ZSWIM4: variants seen among roughly 807,000 people sequenced by gnomAD.
ZSWIM4 encodes the protein zinc finger SWIM-type containing 4, also known as zinc finger SWIM domain-containing protein 4.
ZSWIM4 carries 62 observed loss-of-function variants against 102.5 expected under a neutral mutation model. The ratio of observed to expected loss-of-function variants is 0.60; its 90% CI spans 0.49 to 0.75. The LOEUF (loss-of-function observed/expected upper bound fraction) is 0.75, where lower values mean the gene tolerates loss of function less well. Ranked by LOEUF, ZSWIM4 falls within the 30% of genes least tolerant of loss-of-function variation. The pLI, the probability that ZSWIM4 is intolerant of heterozygous loss-of-function variation, is 0.00. For synonymous variants in ZSWIM4, 652 were observed against 674.5 expected (o/e 0.97, Z 0.52); for missense variants, 1,280 against 1,529.6 (o/e 0.84, Z 2.72).
chr19:13,820,331 G>A (rs1975428945), intron 10 of ZSWIM4, among the ~76,000 whole-genome samples: 1 of 152,024 alleles, frequency 6.6e-6, no homozygotes, highest in Admixed American at 6.6e-5. Context: ...TGCCTCCCAG[G>A]CTCAAGCGAT....
intron 1 of ZSWIM4, among the ~76,000 whole-genome samples, chr19:13,797,788 G>C (rs1225211487): frequency 6.6e-6 from 1 of 152,116 alleles, no homozygotes; most frequent in East Asian, 1.9e-4. Context: ...GAGTAGCTGG[G>C]ACTACAGGTG....
Position 13,830,994 on chromosome 19 carries a change from C to T in ZSWIM4, c.3265C>T (p.Gln1089Ter), listed in dbSNP as rs766552739. ...CTCACAGTTCTTGGAGAACCTCAAA[C>T]AGACCTACAAGGGCAAGAAGAAACT... ...QFSQFLENLK[Q>*]TYKGKKKLML... The change falls in exon 14 of 14, where the codon CAG (glutamine) becomes TAG (stop). Residue 1089 changes from glutamine to a stop codon, truncating the protein, a stop_gained. Coordinates refer to ENST00000590508, the MANE Select transcript of ZSWIM4 (RefSeq NM_001367834.3). LOFTEE classifies it high-confidence loss of function. The T allele has an allele frequency of 6.2e-7, 1 of 1,612,674 alleles. No homozygotes were observed. The highest frequency in any genetic ancestry group is 1.7e-5 in the Admixed American group (1 of 59,552).
intron 13 of ZSWIM4, among the ~76,000 whole-genome samples, chr19:13,829,555 C>T (rs1037377024): frequency 1.3e-4 from 20 of 152,168 alleles, no homozygotes; most frequent in African/African-American, 4.6e-4. Context: ...CTCACTACCG[C>T]ACTCCAGCCT....
Position 13,819,473 on chromosome 19 carries a change from C to G in ZSWIM4, c.2041C>G (p.Leu681Val). The change falls in exon 10 of 14, where the codon CTC (leucine) becomes GTC (valine). Residue 681 changes from leucine (L) to valine (V), a missense_variant. Coordinates refer to ENST00000590508, the MANE Select transcript of ZSWIM4 (RefSeq NM_001367834.3). ...LPHDPDLAYR[L>V]ALRAMRLPIL... ...TCATGACCCGGACCTGGCCTATCGC[C>G]TCGCGCTGCGAGCTATGAGGTGAGG... is the stretch of plus-strand genomic sequence containing the variant. 1 of 1,604,866 alleles carries G rather than the reference C, an allele frequency of 6.2e-7. No homozygotes were observed. The highest frequency in any genetic ancestry group is 8.5e-7 in the Non-Finnish European group (1 of 1,175,852).
At position 13,818,868 on chromosome 19, in the gene ZSWIM4, C is replaced by CTTTTT. The variant is rs35655398; in HGVS notation, c.1925-480_1925-476dup. 8.1e-3 allele frequency among the ~76,000 whole-genome samples: 1,066 copies of CTTTTT among 131,214 alleles called. 20 individuals are homozygous for CTTTTT. Among genetic ancestry groups the CTTTTT allele is most frequent in the African/African-American group, 0.03 (1,026 of 34,648 alleles). The allele number at this position is 131,214 out of a possible 152,430, so 86.1% of individuals were successfully genotyped here. A position where few individuals can be genotyped will look rare whatever the true frequency, so the allele number is the denominator to read the frequency against. ...CATGAGCCGTGGTCCCCTGCCTCCTCTTTTTTTTTTTTTGAGACGGAGTCT... is the reference window on the plus strand; with the variant it reads ...CATGAGCCGTGGTCCCCTGCCTCCTCTTTTTTTTTTTTTTTTTTGAGACGGAGTCT... On this transcript the variant is annotated intron_variant, in intron 9 of 13. Transcript: ENST00000590508.
Position 13,814,770 on chromosome 19 carries a change from A to AC in ZSWIM4, c.1441dup (p.Arg481ProfsTer146). On this transcript the variant is annotated frameshift_variant, in exon 7 of 14. Transcript: ENST00000590508. LOFTEE classifies it high-confidence loss of function. ...GTGGACACCCTGCGTGCCCACGGAT[A>AC]CCCCCGCCAGGCCCTGCGGCTGGCA... The AC allele has an allele frequency of 2.3e-6, 3 of 1,285,796 alleles. No individual in the cohort carries two copies. The highest frequency in any genetic ancestry group is 3.0e-6 in the Non-Finnish European group (3 of 986,166). The allele number at this position is 1,285,796 out of a possible 1,614,324, so 79.6% of individuals were successfully genotyped here.
At chr19:13,808,099 A>G (rs1276415841) in intron 3 of ZSWIM4, among the ~76,000 whole-genome samples, 2 of 151,974 alleles carry the variant, frequency 1.3e-5, no homozygotes, top group Non-Finnish European at 2.9e-5. Context: ...ATCTCATGAG[A>G]ACTCTATCAT....
In ZSWIM4 at chr19:13,825,699, G is replaced by C; in HGVS notation, c.2365G>C (p.Glu789Gln). The change falls in exon 12 of 14, where the codon GAG becomes CAG. Residue 789 changes from glutamate to glutamine, a missense_variant. Coordinates refer to ENST00000590508, the MANE Select transcript of ZSWIM4 (RefSeq NM_001367834.3). This position sits in a 1 kb window ranked among gnomAD's most constrained non-coding sequence, Gnocchi z 4.6. ...PDTTLLGIAL[E>Q]LGLQVMRMTL... The stretch of plus-strand genomic sequence containing the variant: ...CACCACGCTGCTGGGCATCGCACTG[G>C]AGCTGGGGCTGCAGGTGAGGGCTGC... The C allele has an allele frequency of 6.2e-7, 1 of 1,610,036 alleles. No individual in the cohort carries two copies. Among genetic ancestry groups the C allele is most frequent in the Non-Finnish European group, 8.5e-7 (1 of 1,179,658 alleles).
In ZSWIM4 at chr19:13,830,434, TC is replaced by T; in HGVS notation, c.2706del (p.Phe902LeufsTer112). ...LTLCEKNHSA[F>X]EAAYQIVLDA... Reference sequence around the variant, plus strand: ...CTGTGCGAGAAGAACCACTCGGCCTTCGAGGCGGCCTACCAGATCGTGCTGG... The same window carrying T: ...CTGTGCGAGAAGAACCACTCGGCCTTGAGGCGGCCTACCAGATCGTGCTGG... On this transcript the variant is annotated frameshift_variant, in exon 14 of 14. Coordinates refer to ENST00000590508, the MANE Select transcript of ZSWIM4 (RefSeq NM_001367834.3). LOFTEE classifies it high-confidence loss of function. The T allele has an allele frequency of 6.2e-7, 1 of 1,609,426 alleles. No homozygotes were observed.
At position 13,831,208 on chromosome 19, in the gene ZSWIM4, G is replaced by A. The variant is rs1324553488; in HGVS notation, c.*158G>A. 2 of 930,312 alleles carry A rather than the reference G, an allele frequency of 2.1e-6. No homozygotes were observed. The highest frequency in any genetic ancestry group is 3.1e-6 in the Non-Finnish European group (2 of 641,918). The allele number at this position is 930,312 out of a possible 1,614,324, so 57.6% of individuals were successfully genotyped here. On this transcript the variant is annotated 3_prime_UTR_variant, in exon 14 of 14. Coordinates refer to ENST00000590508, the MANE Select transcript of ZSWIM4 (RefSeq NM_001367834.3). ...GGGAGCAGCATCCTGCCACGTGTGTGCCTGGGAGTCTGTGAGCAAGTGTGC... is the reference window on the plus strand; with the variant it reads ...GGGAGCAGCATCCTGCCACGTGTGTACCTGGGAGTCTGTGAGCAAGTGTGC...
chr19:13,812,193 G>C (rs1302512605), intron 5 of ZSWIM4, among the ~76,000 whole-genome samples: 1 of 152,184 alleles, frequency 6.6e-6, no homozygotes, highest in Non-Finnish European at 1.5e-5. Context: ...TTGCTAGTTC[G>C]CAGACCCCTG....
chr19:13,830,015 C>T (rs1038088230), intron 13 of ZSWIM4, among the ~76,000 whole-genome samples, 176 bp from the exon 14 acceptor site: 1 of 152,178 alleles, frequency 6.6e-6, no homozygotes, highest in African/African-American at 2.4e-5. Context: ...GCTTAGCCTT[C>T]TACACACGTG....
Position 13,819,972 on chromosome 19 carries a change from C to T in ZSWIM4, c.2060+480C>T, listed in dbSNP as rs551768213. ...CCAGGTTCACACCATTCTCCTGCCT[C>T]AGCCTCCTGAGTAGCTGGGACCACA... On this transcript the variant is annotated intron_variant, in intron 10 of 13. Transcript: ENST00000590508. Among the ~76,000 whole-genome samples the T allele has an allele frequency of 1.0e-3, 158 of 152,172 alleles. 1 individual carries two copies. The highest frequency in any genetic ancestry group is 3.3e-3 in the African/African-American group (139 of 41,526).
At chr19:13,824,826 A>G (rs1228101621) in intron 11 of ZSWIM4, among the ~76,000 whole-genome samples, 1 of 151,848 alleles carries the variant, frequency 6.6e-6, no homozygotes, top group East Asian at 1.9e-4. Flanking sequence ...CTTGCCAAGT[A>G]TGGGCCCACC....
At chr19:13,822,329 G>C (rs529335634) in intron 10 of ZSWIM4, among the ~76,000 whole-genome samples, 12 of 151,960 alleles carry the variant, frequency 7.9e-5, no homozygotes, top group African/African-American at 1.7e-4. Flanking sequence ...GGCCTAATTT[G>C]GCCAACCACC....
At chr19:13,814,459 G>A in intron 6 of ZSWIM4, 56 bp from the exon 7 acceptor site, 2 of 1,018,492 alleles carry the variant, frequency 2.0e-6, no homozygotes, top group Non-Finnish European at 2.5e-6. Context: ...GCTGGACACG[G>A]CTCAACTGCT....
rs949084217 is a variant in ZSWIM4 at position 13,817,885 on chromosome 19, C to T, written c.1833C>T (p.Asn611=). 1.2e-5 allele frequency: 19 copies of T among 1,551,016 alleles called. No individual in the cohort carries two copies. Among genetic ancestry groups the T allele is most frequent in the Middle Eastern group, 3.8e-4 (2 of 5,316 alleles). ...ACGCCCAGGACAAGGTGGTGCGCAA[C>T]GAGGAGCAGCTGCTGGCCCTGCTGG... ...GLYAQDKVVR[N]EEQLLALLEE... The change falls in exon 9 of 14, where the codon AAC becomes AAT. Residue 611 remains asparagine (N), a synonymous_variant. Coordinates refer to ENST00000590508, the MANE Select transcript of ZSWIM4 (RefSeq NM_001367834.3).
rs560928023 is a variant in ZSWIM4, at chr19:13,805,164, G to A, written c.712+16G>A. 14 of 1,585,006 alleles carry A rather than the reference G, an allele frequency of 8.8e-6. No homozygotes were observed. In the East Asian group the frequency reaches 2.7e-4, roughly 30 times the overall value. On this transcript the variant is annotated intron_variant, in intron 3 of 13. Transcript: ENST00000590508. ...TTGGTGAATGGTAAGGGCACCCCGG[G>A]GGTCCGGTGGGGAGAGGATGCCCAA...
chr19:13,799,009 G>A (rs1040483351), intron 1 of ZSWIM4, among the ~76,000 whole-genome samples: 1 of 151,984 alleles, frequency 6.6e-6, no homozygotes, highest in South Asian at 2.1e-4. Flanking sequence ...GGCTGCTCTC[G>A]AACTCCTGGA....
Sources: gnomAD v4.1 joint callset for allele counts (sites outside exome capture counted in the v4.1 genomes callset) on GRCh38, gnomAD v4.1.1 for gene constraint, Gnocchi (gnomAD v3.1) non-coding constraint, MANE v1.5 for transcripts, NCBI Gene and HGNC (gene_info 2026-07-23, HGNC 2026-07-21) for gene names.